COL5A2: variants seen among roughly 807,000 people sequenced by gnomAD.
COL5A2 encodes the protein collagen type V alpha 2 chain.
In COL5A2, 23 loss-of-function variants were observed where a neutral mutation model predicts 208.2. The observed-to-expected ratio is 0.11, with a 90% CI of 0.08 to 0.16. COL5A2 has a LOEUF of 0.16. Ranked by LOEUF, COL5A2 falls within the 10% of genes least tolerant of loss-of-function variation. COL5A2 has a pLI of 1.00. For missense variants in COL5A2, 1,590 were observed against 1,956.4 expected (o/e 0.81, Z 3.53); for synonymous variants, 625 against 628.5 (o/e 0.99, Z 0.08).
At chr2:189,119,951 G>A (rs1475989362) in intron 1 of COL5A2, among the ~76,000 whole-genome samples, 1 of 152,010 alleles carries the variant, frequency 6.6e-6, no homozygotes, top group African/African-American at 2.4e-5. Flanking sequence ...TAAAACATGA[G>A]CCTTTACTTT....
chr2:189,317,815 G>A, the COL5A2 span, among the ~76,000 whole-genome samples: 4 of 152,114 alleles, frequency 2.6e-5, no homozygotes, highest in Non-Finnish European at 5.9e-5. Flanking sequence ...CTTATTTGCA[G>A]GTGATGAAAG....
At chr2:189,322,633 G>C in the COL5A2 span, among the ~76,000 whole-genome samples, 1 of 152,132 alleles carries the variant, frequency 6.6e-6, no homozygotes, top group Non-Finnish European at 1.5e-5. Context: ...CCAGGAAGAA[G>C]TTGAATCTCT....
chr2:189,243,364 T>C, the COL5A2 span, among the ~76,000 whole-genome samples: 1 of 152,122 alleles, frequency 6.6e-6, no homozygotes, highest in Non-Finnish European at 1.5e-5. Context: ...GGGTAATTTA[T>C]ACAAGAAAAA....
At chr2:189,065,606 T>G (rs1360657309) in intron 23 of COL5A2, among the ~76,000 whole-genome samples, 1 of 152,048 alleles carries the variant, frequency 6.6e-6, no homozygotes, top group Non-Finnish European at 1.5e-5. Context: ...CAGAGAAAAC[T>G]GATATCTAGA....
intron 6 of COL5A2, among the ~76,000 whole-genome samples, chr2:189,096,530 G>A (rs533951059): frequency 7.3e-5 from 11 of 149,970 alleles, no homozygotes; most frequent in South Asian, 4.2e-4. Flanking sequence ...GCTGAGGCAG[G>A]AGAATGGCGT....
At chr2:189,050,002 G>A (rs780897093) in intron 43 of COL5A2, among the ~76,000 whole-genome samples, 2 of 151,372 alleles carry the variant, frequency 1.3e-5, no homozygotes, top group Non-Finnish European at 2.9e-5. Flanking sequence ...TTCAAGCACT[G>A]TAATCTTTTA....
the COL5A2 span, among the ~76,000 whole-genome samples, chr2:189,378,702 C>T: frequency 2.1e-5 from 3 of 141,976 alleles, no homozygotes; most frequent in Admixed American, 7.4e-5. Flanking sequence ...CTAGCCTGGG[C>T]GACAGTGCGA....
At chr2:189,351,464 A>G in the COL5A2 span, among the ~76,000 whole-genome samples, 1 of 152,310 alleles carries the variant, frequency 6.6e-6, no homozygotes, top group East Asian at 1.9e-4. Context: ...ACAGTTCTCT[A>G]AATATATAAT....
intron 21 of COL5A2, 94 bp downstream of exon 21, chr2:189,067,921 A>T: frequency 9.6e-7 from 1 of 1,042,268 alleles, no homozygotes; most frequent in Non-Finnish European, 1.5e-6. Context: ...AAGTCACGTT[A>T]TCTATGTTTC....
intron 1 of COL5A2, among the ~76,000 whole-genome samples, chr2:189,142,076 G>T (rs903553615): frequency 6.6e-6 from 1 of 151,964 alleles, no homozygotes; most frequent in East Asian, 1.9e-4. Flanking sequence ...ACATTGTATA[G>T]ACTTGATAAG....
chr2:189,237,330 CTT>C, the COL5A2 span, among the ~76,000 whole-genome samples: 1 of 150,930 alleles, frequency 6.6e-6, no homozygotes, highest in Non-Finnish European at 1.5e-5. Flanking sequence ...AATTTTATCT[CTT>C]ATTTCACAGA....
chr2:189,132,282 T>G (rs1027018600), intron 1 of COL5A2, among the ~76,000 whole-genome samples: 2 of 152,116 alleles, frequency 1.3e-5, no homozygotes, highest in African/African-American at 4.8e-5. Context: ...TACAGACAAC[T>G]TCAGAAAATC....
In COL5A2 at chr2:189,068,156, AG is replaced by A. The variant is rs759051189; in HGVS notation, c.1303-44del. 10 of 1,601,702 alleles carry A rather than the reference AG, an allele frequency of 6.2e-6. No homozygotes were observed. The East Asian group carries it at 2.2e-4, about 36-fold the overall frequency. ...TGATGTGGTAAGTAGAGACACAGGT[AG>A]CAGTCTGGGGCCAATGTCTAAAGAA... On this transcript the variant is annotated intron_variant, in intron 20 of 53. Transcript: ENST00000374866.
the COL5A2 span, among the ~76,000 whole-genome samples, chr2:189,437,628 C>T: frequency 3.3e-5 from 5 of 152,106 alleles, no homozygotes; most frequent in Non-Finnish European, 4.4e-5. Context: ...ACTTAACTGC[C>T]TGAGGTTCCT....
At chr2:189,400,702 G>A in the COL5A2 span, among the ~76,000 whole-genome samples, 2 of 152,118 alleles carry the variant, frequency 1.3e-5, no homozygotes, top group Non-Finnish European at 2.9e-5. Flanking sequence ...AGACATGACC[G>A]ATATGATACT....
At chr2:189,270,864 C>T in the COL5A2 span, among the ~76,000 whole-genome samples, 14 of 151,768 alleles carry the variant, frequency 9.2e-5, no homozygotes, top group African/African-American at 3.1e-4. Flanking sequence ...CACCAATAAT[C>T]GACAAACAGA....
chr2:189,267,412 A>T, the COL5A2 span, among the ~76,000 whole-genome samples: 1 of 152,208 alleles, frequency 6.6e-6, no homozygotes, highest in African/African-American at 2.4e-5. Context: ...GCTTATTAAA[A>T]ATACAATCAC....
intron 17 of COL5A2, among the ~76,000 whole-genome samples, chr2:189,073,692 T>G (rs1010799544): frequency 6.6e-6 from 1 of 152,160 alleles, no homozygotes; most frequent in Non-Finnish European, 1.5e-5. Flanking sequence ...TAATTTATTC[T>G]AGATATCATT....
At chr2:189,064,490 A>C (rs542876149) in intron 25 of COL5A2, 67 bp downstream of exon 25, 2 of 1,119,216 alleles carry the variant, frequency 1.8e-6, no homozygotes, top group African/African-American at 1.5e-5. Context: ...ACAAACAAAA[A>C]CCCGACCAAT....
Sources: gnomAD v4.1 joint callset for allele counts (sites outside exome capture counted in the v4.1 genomes callset) on GRCh38, gnomAD v4.1.1 for gene constraint, MANE v1.5 for transcripts, NCBI Gene and HGNC (gene_info 2026-07-23, HGNC 2026-07-21) for gene names.